Variants in SIK2 observed in about 807,000 individuals in gnomAD.
The protein encoded by SIK2 is serine/threonine-protein kinase SIK2.
A neutral mutation model predicts 103.2 loss-of-function variants in SIK2; 29 were observed. The ratio of observed to expected loss-of-function variants is 0.28; its 90% CI spans 0.21 to 0.38. SIK2 has a LOEUF of 0.38. Ranked by LOEUF, SIK2 falls within the 10% of genes least tolerant of loss-of-function variation. The probability of loss-of-function intolerance (pLI) is 1.00; values close to 1 mark genes in which losing one functional copy is unlikely to be tolerated. For synonymous variants in SIK2, 412 were observed against 446.1 expected, an observed-to-expected ratio of 0.92 and a Z score of 0.96; for missense variants, 879 against 1,171.0, an observed-to-expected ratio of 0.75 and a Z score of 3.64.
chr11:111,712,848 G>A (rs555575846), intron 9 of SIK2, among the ~76,000 whole-genome samples: 1 of 152,256 alleles, frequency 6.6e-6, no homozygotes, highest in South Asian at 2.1e-4. Flanking sequence ...ATGTGTTTTT[G>A]TCCAATTTGG....
chr11:111,637,661 C>T (rs1591596797), intron 3 of SIK2, among the ~76,000 whole-genome samples: 1 of 152,004 alleles, frequency 6.6e-6, no homozygotes, highest in East Asian at 1.9e-4. Context: ...AGGGCTTCAC[C>T]ATGTTGACCA....
At chr11:111,702,925 C>T (rs76017849) in intron 6 of SIK2, among the ~76,000 whole-genome samples, 1 of 151,920 alleles carries the variant, frequency 6.6e-6, no homozygotes, top group African/African-American at 2.4e-5. Context: ...AAACCAAAGT[C>T]TGTTTCTAGA....
At chr11:111,702,183 C>A (rs1159460883) in intron 6 of SIK2, among the ~76,000 whole-genome samples, 1 of 152,164 alleles carries the variant, frequency 6.6e-6, no homozygotes, top group African/African-American at 2.4e-5. Flanking sequence ...GGTTACTGGC[C>A]ATATGACTTT....
At chr11:111,710,568 A>T (rs1393208958) in intron 8 of SIK2, among the ~76,000 whole-genome samples, 1 of 152,252 alleles carries the variant, frequency 6.6e-6, no homozygotes, top group Non-Finnish European at 1.5e-5. Context: ...TTTGAGAACG[A>T]GACTGCATTC....
In SIK2 at chr11:111,728,711, G is replaced by A. The variant is rs891523494; in HGVS notation, c.*4582G>A. 1.3e-5 allele frequency: 2 copies of A among 152,178 alleles called. No homozygotes were observed. Among genetic ancestry groups the A allele is most frequent in the Admixed American group, 6.5e-5 (1 of 15,276 alleles). 9.4% of individuals were successfully genotyped at this position (152,178 alleles called of 1,614,324 possible). ...TGGGAGGCCAAGGCAGGCGGATCAC[G>A]AGGTCAGGAGATTGAGACCATCCTA... On this transcript the variant is annotated 3_prime_UTR_variant, in exon 15 of 15. Transcript: ENST00000304987.
Position 111,724,176 on chromosome 11 carries a change from T to G in SIK2, c.*47T>G, listed in dbSNP as rs1943897066. On this transcript the variant is annotated 3_prime_UTR_variant, in exon 15 of 15. Transcript: ENST00000304987. ...GGGTCAGGTGAAGGAAGAGTGTATG[T>G]TCCTATTTTTATTCCAGCCTTTTAA... 1.3e-6 allele frequency: 2 copies of G among 1,552,050 alleles called. No homozygotes were observed. Among genetic ancestry groups the G allele is most frequent in the African/African-American group, 2.7e-5 (2 of 73,146 alleles).
chr11:111,658,186 C>T (rs1228587181), intron 3 of SIK2, among the ~76,000 whole-genome samples: 1 of 150,868 alleles, frequency 6.6e-6, no homozygotes, highest in East Asian at 2.0e-4. Context: ...AGTGCAGTGG[C>T]GTGAGCTCGG....
chr11:111,720,901 A>G lies in SIK2; in HGVS notation c.1783A>G (p.Ile595Val). The G allele has an allele frequency of 4.3e-6, 7 of 1,613,314 alleles. No individual in the cohort carries two copies. Among genetic ancestry groups the G allele is most frequent in the Non-Finnish European group, 5.9e-6 (7 of 1,179,766 alleles). The part of the protein sequence containing the change: ...RASDTSLTQG[I>V]VAFRQHLQNL... ...TTGGTCTTGGTGCTTTCTTTCAGGAATTGTAGCATTTAGACAACATCTTCA... is the reference window on the plus strand; with the variant it reads ...TTGGTCTTGGTGCTTTCTTTCAGGAGTTGTAGCATTTAGACAACATCTTCA... Residue 595 changes from isoleucine (I) to valine (V), a missense_variant and splice_region_variant, in exon 12 of 15, where the codon ATT becomes GTT. Physicochemically the swap from Ile to Val is conservative, Grantham distance 29. Coordinates refer to ENST00000304987, the MANE Select transcript of SIK2 (RefSeq NM_015191.3).
intron 1 of SIK2, among the ~76,000 whole-genome samples, chr11:111,613,570 T>A (rs1941758922): frequency 6.6e-6 from 1 of 152,204 alleles, no homozygotes; most frequent in Non-Finnish European, 1.5e-5. Context: ...TATCATACTC[T>A]TCATTGAGGG....
intron 3 of SIK2, chr11:111,671,592 G>T: frequency 3.1e-6 from 1 of 327,784 alleles, no homozygotes; most frequent in South Asian, 3.0e-5. Flanking sequence ...CCTCATACTG[G>T]GCACAGACCT....
intron 8 of SIK2, among the ~76,000 whole-genome samples, chr11:111,708,624 C>G (rs949367756): frequency 2.6e-5 from 4 of 152,004 alleles, no homozygotes; most frequent in African/African-American, 9.7e-5. Context: ...CTCGCTGTGT[C>G]ACCAAGGCCA....
chr11:111,719,355 CCTT>C (rs1432872875), intron 9 of SIK2, among the ~76,000 whole-genome samples: 3 of 66,514 alleles, frequency 4.5e-5, no homozygotes, highest in African/African-American at 1.5e-4. Flanking sequence ...GGTGACTACC[CCTT>C]TTTTTTTTTT....
At position 111,712,367 on chromosome 11, in the gene SIK2, A is replaced by G; in HGVS notation, c.1258A>G (p.Thr420Ala). 1.2e-6 allele frequency: 2 copies of G among 1,613,532 alleles called. No homozygotes were observed. Among genetic ancestry groups the G allele is most frequent in the Non-Finnish European group, 1.7e-6 (2 of 1,179,748 alleles). ...AAFMEEECVDTPKVNGCLLDP... is the reference protein window; with the variant it reads ...AAFMEEECVDAPKVNGCLLDP... ...ATTCATGGAAGAAGAGTGTGTGGAC[A>G]CTCCAAAGGTACGGCTATGTTTGAG... Residue 420 changes from threonine (T) to alanine (A), a missense_variant, in exon 9 of 15, where the codon ACT (threonine) becomes GCT (alanine). Physicochemically the swap from Thr to Ala is moderately conservative, Grantham distance 58 (BLOSUM62 0). This residue lies in a region of SIK2 where 222 missense variants were observed against 258.0 expected (regional missense o/e 0.86). Transcript: ENST00000304987.
At position 111,721,846 on chromosome 11, in the gene SIK2, A is replaced by C; in HGVS notation, c.1961A>C (p.Gln654Pro). The C allele has an allele frequency of 2.5e-6, 4 of 1,608,422 alleles. No individual in the cohort carries two copies. The South Asian group carries it at 4.4e-5, about 18-fold the overall frequency. The change falls in exon 13 of 15, where the codon CAG (glutamine) becomes CCG (proline). Residue 654 changes from glutamine to proline, a missense_variant. By Grantham distance (76) the Gln-to-Pro change is moderately conservative (BLOSUM62 -1). Around this residue, in one of 7 missense-constraint regions of SIK2, gnomAD observed 375 missense variants for 416.3 expected, o/e 0.90. Coordinates refer to ENST00000304987, the MANE Select transcript of SIK2 (RefSeq NM_015191.3). The part of the protein sequence containing the change: ...SSCPQEEVSQ[Q>P]QESVSTLPAS... Reference sequence around the variant, plus strand: ...GCTCCTCAGGAAGAAGTTTCTCAGCAGCAGGAAAGCGTCTCCACTCTCCCT... The same window carrying C: ...GCTCCTCAGGAAGAAGTTTCTCAGCCGCAGGAAAGCGTCTCCACTCTCCCT...
Position 111,701,652 on chromosome 11 carries a change from T to G in SIK2, c.727+77T>G. 1 of 1,530,294 alleles carries G rather than the reference T, an allele frequency of 6.5e-7. No individual in the cohort carries two copies. The highest frequency in any genetic ancestry group is 8.8e-7 in the Non-Finnish European group (1 of 1,134,722). 94.8% of individuals were successfully genotyped at this position (1,530,294 alleles called of 1,614,324 possible). Reference sequence around the variant, plus strand: ...GTGAAATGCCTAGGTAAAAGCTTCTTTTTTTCTAAGAGTTTGGGTGCCAAA... The same window carrying G: ...GTGAAATGCCTAGGTAAAAGCTTCTGTTTTTCTAAGAGTTTGGGTGCCAAA... On this transcript the variant is annotated intron_variant, in intron 6 of 14. Coordinates refer to ENST00000304987, the MANE Select transcript of SIK2 (RefSeq NM_015191.3). This position sits in a 1 kb window ranked among gnomAD's most constrained non-coding sequence, Gnocchi z 4.2.
At chr11:111,604,984 G>T (rs1214146021) in intron 1 of SIK2, among the ~76,000 whole-genome samples, 3 of 146,390 alleles carry the variant, frequency 2.0e-5, no homozygotes, top group Admixed American at 6.9e-5. Context: ...TTGAGACGGA[G>T]CCTCGCTCTT....
At chr11:111,664,776 C>T (rs1942513470) in intron 3 of SIK2, among the ~76,000 whole-genome samples, 1 of 149,708 alleles carries the variant, frequency 6.7e-6, no homozygotes, top group Admixed American at 6.7e-5. Context: ...TTTTGTTTCT[C>T]TGCCTAAGAT....
rs570956844 is a variant in SIK2 at position 111,672,372 on chromosome 11, C to G, written c.317-15629C>G. The G allele has an allele frequency of 1.6e-3, 821 of 519,408 alleles. 4 individuals carry two copies. The highest frequency in any genetic ancestry group is 1.6e-3 in the Non-Finnish European group (522 of 329,222). The allele number at this position is 519,408 out of a possible 1,614,324, so 32.2% of individuals were successfully genotyped here. On this transcript the variant is annotated intron_variant, in intron 3 of 14. Transcript: ENST00000304987. ...AGGCCAAGGGGCCAGAGGTGGACAC[C>G]TTGTAGGACTTCTGGGTCACCCTGA...
At chr11:111,699,714 A>G (rs903544570) in intron 4 of SIK2, among the ~76,000 whole-genome samples, 4 of 152,198 alleles carry the variant, frequency 2.6e-5, no homozygotes, top group East Asian at 1.9e-4. Context: ...ACATGTATGT[A>G]TGGTCTCAAG....
Sources: allele counts gnomAD v4.1 joint callset (sites outside exome capture counted in the v4.1 genomes callset), GRCh38; gene constraint gnomAD v4.1.1; regional missense constraint gnomAD v4.1.1; non-coding constraint Gnocchi (gnomAD v3.1); transcripts MANE v1.5; gene names NCBI Gene and HGNC (gene_info 2026-07-23, HGNC 2026-07-21).